Variants in GALNTL6 observed in about 807,000 individuals in gnomAD.
GALNTL6 encodes the protein polypeptide N-acetylgalactosaminyltransferase-like 6.
Under a neutral mutation model 73.7 loss-of-function variants are expected in GALNTL6, and 46 were observed. The ratio of observed to expected loss-of-function variants is 0.62; its 90% CI spans 0.49 to 0.80. GALNTL6 has a LOEUF of 0.80. Ranked by LOEUF, GALNTL6 falls within the 30% of genes least tolerant of loss-of-function variation. The pLI is 0.00. For missense variants in GALNTL6, 604 were observed against 755.0 expected, an observed-to-expected ratio of 0.80 and a Z score of 2.34; for synonymous variants, 259 against 263.7, an observed-to-expected ratio of 0.98 and a Z score of 0.17.
At chr4:171,908,299 GA>G (rs201008097) in intron 2 of GALNTL6, among the ~76,000 whole-genome samples, 5,424 of 151,246 alleles carry the variant, frequency 0.036, 301 homozygotes, top group African/African-American at 0.12. Context: ...AAATTTACAA[GA>G]AAAAAAACAA....
intron 5 of GALNTL6, among the ~76,000 whole-genome samples, chr4:172,569,697 A>G (rs1736690315): frequency 1.3e-5 from 2 of 152,202 alleles, no homozygotes; most frequent in Non-Finnish European, 1.5e-5. Flanking sequence ...AAAGGGAAAA[A>G]AAAGATGCAG....
chr4:172,062,238 G>A (rs1311689296), intron 2 of GALNTL6, among the ~76,000 whole-genome samples: 19 of 152,062 alleles, frequency 1.2e-4, no homozygotes, highest in Non-Finnish European at 2.5e-4. Context: ...ACAGGCATAA[G>A]CCACTACTCC....
intron 2 of GALNTL6, among the ~76,000 whole-genome samples, chr4:171,983,474 T>TTATG (rs1412383161): frequency 6.8e-6 from 1 of 146,992 alleles, no homozygotes; most frequent in Non-Finnish European, 1.5e-5. Context: ...TTTTATTTAT[T>TTATG]TATTTATTTA....
At chr4:171,998,589 G>C (rs1740571071) in intron 2 of GALNTL6, among the ~76,000 whole-genome samples, 1 of 152,108 alleles carries the variant, frequency 6.6e-6, no homozygotes, top group Non-Finnish European at 1.5e-5. Context: ...ACACAGTTTA[G>C]CTTGTAACCA....
chr4:172,894,524 G>A (rs1013761180), intron 8 of GALNTL6, among the ~76,000 whole-genome samples: 3 of 151,950 alleles, frequency 2.0e-5, no homozygotes, highest in African/African-American at 7.2e-5. Flanking sequence ...TATTGATTCT[G>A]GCTTTATTCT....
At chr4:172,381,281 C>T (rs1743276204) in intron 5 of GALNTL6, among the ~76,000 whole-genome samples, 1 of 152,050 alleles carries the variant, frequency 6.6e-6, no homozygotes, top group Non-Finnish European at 1.5e-5. Context: ...TATAATTCAC[C>T]TAGCATGAAA....
At chr4:172,662,174 A>G (rs1466565927) in intron 5 of GALNTL6, among the ~76,000 whole-genome samples, 1 of 152,188 alleles carries the variant, frequency 6.6e-6, no homozygotes, top group Non-Finnish European at 1.5e-5. Context: ...TTTACTGTGG[A>G]TAGTATATTT....
At chr4:172,919,962 C>T (rs1747715958) in intron 8 of GALNTL6, among the ~76,000 whole-genome samples, 1 of 152,166 alleles carries the variant, frequency 6.6e-6, no homozygotes, top group Admixed American at 6.5e-5. Flanking sequence ...GAAATGAACA[C>T]TTTCTTAAAA....
intron 2 of GALNTL6, among the ~76,000 whole-genome samples, chr4:172,005,527 A>G (rs1304569111): frequency 1.3e-5 from 2 of 152,186 alleles, no homozygotes; most frequent in East Asian, 3.8e-4. Flanking sequence ...ATCATTTACT[A>G]ACAAATGGTA....
intron 2 of GALNTL6, among the ~76,000 whole-genome samples, chr4:171,827,725 A>AT (rs1316593713): frequency 6.6e-6 from 1 of 152,168 alleles, no homozygotes; most frequent in Non-Finnish European, 1.5e-5. Context: ...CCTGGATACT[A>AT]TTCCAGCATT....
intron 5 of GALNTL6, among the ~76,000 whole-genome samples, chr4:172,658,360 G>C (rs1451787537): frequency 6.7e-6 from 1 of 149,718 alleles, no homozygotes; most frequent in South Asian, 2.1e-4. Context: ...CCAGCTACTC[G>C]GGAGGCTGAG....
intron 5 of GALNTL6, among the ~76,000 whole-genome samples, chr4:172,564,102 C>T (rs1054402491): frequency 6.6e-6 from 1 of 151,962 alleles, no homozygotes; most frequent in Non-Finnish European, 1.5e-5. Context: ...TGTGCATTAC[C>T]CTCTCGTGTC....
At chr4:172,605,617 A>G (rs1738223309) in intron 5 of GALNTL6, among the ~76,000 whole-genome samples, 1 of 152,150 alleles carries the variant, frequency 6.6e-6, no homozygotes, top group African/African-American at 2.4e-5. Context: ...AGAGGAAACA[A>G]CATGTACAAA....
chr4:172,287,163 T>C (rs1739287615), intron 3 of GALNTL6, among the ~76,000 whole-genome samples: 1 of 152,214 alleles, frequency 6.6e-6, no homozygotes, highest in Admixed American at 6.5e-5. Flanking sequence ...TGGAAAACAA[T>C]TTTTCTTTCA....
intron 9 of GALNTL6, among the ~76,000 whole-genome samples, chr4:172,935,898 A>G (rs770694165): frequency 1.3e-5 from 2 of 152,202 alleles, no homozygotes; most frequent in Non-Finnish European, 2.9e-5. Flanking sequence ...TCCAAAAAAT[A>G]GATAGAGAGG....
At chr4:172,935,972 C>A (rs756113388) in intron 9 of GALNTL6, among the ~76,000 whole-genome samples, 2 of 152,088 alleles carry the variant, frequency 1.3e-5, no homozygotes, top group Non-Finnish European at 2.9e-5. Context: ...GGCAGAGACA[C>A]CACAAAAAAA....
At chr4:172,888,020 C>T (rs1745825246) in intron 8 of GALNTL6, among the ~76,000 whole-genome samples, 1 of 152,038 alleles carries the variant, frequency 6.6e-6, no homozygotes. Context: ...AGTCCTTTGC[C>T]CACATTTTAG....
chr4:171,833,051 A>T (rs1735019496), intron 2 of GALNTL6, among the ~76,000 whole-genome samples: 1 of 151,788 alleles, frequency 6.6e-6, no homozygotes, highest in South Asian at 2.1e-4. Context: ...GATTTTGATG[A>T]TTCTACCCTA....
intron 5 of GALNTL6, among the ~76,000 whole-genome samples, chr4:172,369,482 G>T (rs974160793): frequency 6.6e-6 from 1 of 152,184 alleles, no homozygotes; most frequent in African/African-American, 2.4e-5. Flanking sequence ...GCACTCCTCA[G>T]CCCTTGGGCG....
Sources: gnomAD v4.1 joint callset for allele counts (sites outside exome capture counted in the v4.1 genomes callset) on GRCh38, gnomAD v4.1.1 for gene constraint, MANE v1.5 for transcripts, NCBI Gene and HGNC (gene_info 2026-07-23, HGNC 2026-07-21) for gene names.